The following MYRFL variants were observed in gnomAD, a reference collection of about 807,000 sequenced individuals.
The protein encoded by MYRFL is myelin regulatory factor-like protein.
In MYRFL, 88 loss-of-function variants were observed where a neutral mutation model predicts 109.4. The observed-to-expected ratio is 0.80, with a 90% confidence interval of 0.68 to 0.96. MYRFL has a LOEUF of 0.96. Ranked by LOEUF, MYRFL falls within the 40% of genes least tolerant of loss-of-function variation. MYRFL has a pLI of 0.00. For synonymous variants in MYRFL, 324 were observed against 320.9 expected, an observed-to-expected ratio of 1.01 and a Z score of -0.10; for missense variants, 957 against 954.9, an observed-to-expected ratio of 1.00 and a Z score of -0.03.
chr12:69,935,156 T>C (rs754483473), intron 16 of MYRFL, among the ~76,000 whole-genome samples: 1 of 152,024 alleles, frequency 6.6e-6, no homozygotes, highest in African/African-American at 2.4e-5. Context: ...GAGAACACTT[T>C]GGGAATTTGT....
intron 13 of MYRFL, among the ~76,000 whole-genome samples, chr12:69,923,347 T>C (rs1394029389): frequency 6.6e-6 from 1 of 152,220 alleles, no homozygotes; most frequent in African/African-American, 2.4e-5. Context: ...GAGACTACAA[T>C]GAGGAGTCTT....
At chr12:69,877,167 G>T (rs1479088555) in intron 2 of MYRFL, among the ~76,000 whole-genome samples, 1 of 151,878 alleles carries the variant, frequency 6.6e-6, no homozygotes, top group African/African-American at 2.4e-5. Context: ...GGGACTACAG[G>T]CGGCTGCCAC....
At chr12:69,845,107 A>G (rs765857919) in intron 1 of MYRFL, among the ~76,000 whole-genome samples, 10 of 152,134 alleles carry the variant, frequency 6.6e-5, no homozygotes, top group African/African-American at 2.4e-4. Context: ...CGCATAGAAA[A>G]GTGTTCCCTC....
intron 2 of MYRFL, among the ~76,000 whole-genome samples, chr12:69,861,842 G>T (rs1247355875): frequency 1.6e-4 from 24 of 151,074 alleles, no homozygotes; most frequent in African/African-American, 5.8e-4. Context: ...GTCCTGAATG[G>T]TAATGCCTAG....
chr12:69,907,995 T>C lies in MYRFL; in HGVS notation c.1384-1974T>C, dbSNP rs180765720. On this transcript the variant is annotated intron_variant, in intron 11 of 24. Coordinates refer to ENST00000552032, the MANE Select transcript of MYRFL (RefSeq NM_182530.3). ...GGCCTTAACCATTCTAGTCCAGTAA[T>C]GCCAAATTCTGCCTTTGTTCTGCAG... Among the ~76,000 whole-genome samples the C allele has an allele frequency of 4.3e-3, 653 of 152,240 alleles. 3 individuals carry two copies. The highest frequency in any genetic ancestry group is 7.5e-3 in the Non-Finnish European group (513 of 68,008).
At chr12:69,869,667 C>T (rs1425772575) in intron 2 of MYRFL, among the ~76,000 whole-genome samples, 9 of 152,066 alleles carry the variant, frequency 5.9e-5, no homozygotes, top group African/African-American at 1.7e-4. Flanking sequence ...AGAGAAGGGG[C>T]GGTTGGTGTT....
At chr12:69,864,656 CACACACACACACAA>C (rs59124813) in intron 2 of MYRFL, among the ~76,000 whole-genome samples, 13,032 of 54,702 alleles carry the variant, frequency 0.24, 712 homozygotes, top group African/African-American at 0.3. Context: ...CACACACACA[CACACACACACACAA>C]ACACACACAC....
rs1406202607 is a variant in MYRFL, at chr12:69,920,575, C to A, written c.1603-5996C>A. ...AATATAAGCTCTGTCCAGGTGAGCC[C>A]ACTCTCTAGGTAAATCTGACACCAA... On this transcript the variant is annotated intron_variant, in intron 13 of 24. Coordinates refer to ENST00000552032, the MANE Select transcript of MYRFL (RefSeq NM_182530.3). 5.2e-5 allele frequency among the ~76,000 whole-genome samples: 6 copies of A among 115,200 alleles called. No homozygotes were observed. In the Admixed American group the frequency reaches 5.2e-4, roughly 10 times the overall value. The allele number at this position is 115,200 out of a possible 152,430, so 75.6% of individuals were successfully genotyped here.
At chr12:69,952,907 T>G (rs1024878569) in intron 21 of MYRFL, 21 bp downstream of exon 21, 7 of 1,490,186 alleles carry the variant, frequency 4.7e-6, no homozygotes, top group African/African-American at 4.2e-5. Flanking sequence ...CTCCCCAGCA[T>G]GCCCTGGTTG....
intron 16 of MYRFL, 30 bp from the exon 17 acceptor site, chr12:69,936,076 ATGTTTTT>A: frequency 7.2e-7 from 1 of 1,383,396 alleles, no homozygotes; most frequent in African/African-American, 1.8e-5. Context: ...CTGCCACATA[ATGTTTTT>A]TTTTTTTTTT....
chr12:69,932,561 A>C lies in MYRFL; in HGVS notation c.1879A>C (p.Thr627Pro). 1 of 1,536,042 alleles carries C rather than the reference A, an allele frequency of 6.5e-7. No individual in the cohort carries two copies. The highest frequency in any genetic ancestry group is 8.7e-7 in the Non-Finnish European group (1 of 1,146,862). ...RQACPNWVFQ[T>P]LVITLIAVMA... ...GGCGTGTCCTAATTGGGTTTTCCAG[A>C]CCTTGGTTATAACTCTGATTGCTGT... Residue 627 changes from threonine to proline, a missense_variant, in exon 16 of 25, where the codon ACC becomes CCC. By Grantham distance (38) the Thr-to-Pro change is conservative. Transcript: ENST00000552032.
Position 69,825,492 on chromosome 12 carries a change from G to A in MYRFL, c.-26G>A, listed in dbSNP as rs1021814775. ...AGGTCTGATAACCGTTGTTTTATGAGGAAATAGTACTAGGATCACAGTACC... is the reference window on the plus strand; with the variant it reads ...AGGTCTGATAACCGTTGTTTTATGAAGAAATAGTACTAGGATCACAGTACC... On this transcript the variant is annotated 5_prime_UTR_variant, in exon 1 of 25. Transcript: ENST00000552032. 29 of 700,378 alleles carry A rather than the reference G, an allele frequency of 4.1e-5. No homozygotes were observed. The highest frequency in any genetic ancestry group is 6.8e-5 in the Non-Finnish European group (26 of 383,856). The allele number at this position is 700,378 out of a possible 1,614,324, so 43.4% of individuals were successfully genotyped here.
intron 19 of MYRFL, among the ~76,000 whole-genome samples, chr12:69,950,479 A>G (rs910515150): frequency 1.3e-5 from 2 of 152,136 alleles, no homozygotes; most frequent in African/African-American, 4.8e-5. Flanking sequence ...TCCAAATGTT[A>G]TATTTTTTCA....
chr12:69,832,056 T>A (rs1435661950), intron 1 of MYRFL, among the ~76,000 whole-genome samples: 1 of 152,142 alleles, frequency 6.6e-6, no homozygotes, highest in Non-Finnish European at 1.5e-5. Context: ...TTTAGGGAGC[T>A]GGCAAGTTTT....
At chr12:69,891,635 C>A (rs866931850) in intron 7 of MYRFL, among the ~76,000 whole-genome samples, 5 of 12,442 alleles carry the variant, frequency 4.0e-4, no homozygotes, top group Non-Finnish European at 9.4e-4. Context: ...TCCTTCCTTT[C>A]TTTTTCTTTC....
chr12:69,948,128 A>G (rs1189477306), intron 19 of MYRFL, among the ~76,000 whole-genome samples: 1 of 152,300 alleles, frequency 6.6e-6, no homozygotes. Flanking sequence ...TGCTGAAAGT[A>G]TGACTTTATG....
chr12:69,936,091 T>TG (rs1955451402), intron 16 of MYRFL, 22 bp from the exon 17 acceptor site: 7 of 1,390,218 alleles, frequency 5.0e-6, no homozygotes, highest in South Asian at 1.6e-5. Context: ...TTTTTTTTTT[T>TG]TTTTTTTTTT....
intron 10 of MYRFL, among the ~76,000 whole-genome samples, chr12:69,901,894 T>TTTTA (rs1349981879): frequency 2.0e-5 from 3 of 148,860 alleles, no homozygotes; most frequent in Non-Finnish European, 4.5e-5. Context: ...TTTTTTTTTG[T>TTTTA]TTTTTTTAAA....
At chr12:69,864,647 A>G (rs1277257942) in intron 2 of MYRFL, among the ~76,000 whole-genome samples, 3 of 13,440 alleles carry the variant, frequency 2.2e-4, no homozygotes, top group African/African-American at 3.7e-4. Context: ...ACACACACAC[A>G]CACACACACA....
Sources: allele counts gnomAD v4.1 joint callset (sites outside exome capture counted in the v4.1 genomes callset), GRCh38; gene constraint gnomAD v4.1.1; transcripts MANE v1.5; gene names NCBI Gene and HGNC (gene_info 2026-07-23, HGNC 2026-07-21).